WWOX: variants seen among roughly 807,000 people sequenced by gnomAD.
WWOX encodes WW domain-containing oxidoreductase.
In WWOX, 69 loss-of-function variants were observed where a neutral mutation model predicts 46.2. That is an observed-to-expected ratio of 1.49 (90% confidence interval 1.23 to 1.82). The LOEUF is 1.82. Among genes scored for constraint, WWOX ranks in the 40% most tolerant of loss-of-function variants. The pLI is 0.00. For missense variants in WWOX, 919 were observed against 542.6 expected (o/e 1.69, Z -6.89); for synonymous variants, 359 against 202.6 (o/e 1.77, Z -6.56).
At chr16:78,144,773 G>T (rs920399887) in intron 4 of WWOX, among the ~76,000 whole-genome samples, 2 of 151,408 alleles carry the variant, frequency 1.3e-5, no homozygotes, top group Non-Finnish European at 2.9e-5. Flanking sequence ...CGCCCACCTT[G>T]GCCTACCAAA....
chr16:78,844,583 A>T (rs929725288), intron 8 of WWOX, among the ~76,000 whole-genome samples: 6 of 152,208 alleles, frequency 3.9e-5, no homozygotes, highest in Non-Finnish European at 7.3e-5. Context: ...GCAACAGCAC[A>T]TGTGGAGGGA....
chr16:78,466,869 T>G (rs1038455811), intron 8 of WWOX, among the ~76,000 whole-genome samples: 1 of 151,500 alleles, frequency 6.6e-6, no homozygotes, highest in Non-Finnish European at 1.5e-5. Context: ...CACAAAAAAT[T>G]TTTTTCTTCC....
At chr16:78,395,523 G>A (rs1316257879) in intron 6 of WWOX, among the ~76,000 whole-genome samples, 2 of 151,886 alleles carry the variant, frequency 1.3e-5, no homozygotes, top group Admixed American at 6.6e-5. Flanking sequence ...TAAAGAAAAG[G>A]AAAAAGAGAG....
intron 8 of WWOX, among the ~76,000 whole-genome samples, chr16:78,793,184 C>T (rs1408519159): frequency 1.3e-5 from 2 of 152,138 alleles, no homozygotes; most frequent in African/African-American, 2.4e-5. Context: ...GTGATCTTCA[C>T]ACCTCAGCCT....
intron 5 of WWOX, among the ~76,000 whole-genome samples, chr16:78,253,530 C>T (rs2038040813): frequency 6.6e-6 from 1 of 152,138 alleles, no homozygotes; most frequent in South Asian, 2.1e-4. Context: ...CACTGTGTTC[C>T]AGTATCTGCA....
chr16:78,246,976 T>C (rs1041314918), intron 5 of WWOX, among the ~76,000 whole-genome samples: 6 of 152,064 alleles, frequency 3.9e-5, no homozygotes, highest in Admixed American at 3.9e-4. Context: ...GTCTGTGCAG[T>C]TGGAATCTTG....
chr16:78,374,427 T>A (rs1048731978), intron 5 of WWOX, among the ~76,000 whole-genome samples: 8 of 152,096 alleles, frequency 5.3e-5, no homozygotes, highest in African/African-American at 1.9e-4. Flanking sequence ...TATAATTTAT[T>A]TGGTCCTGTA....
rs372022318 is a variant in WWOX at position 79,090,373 on chromosome 16, T to G, written c.1057-121235T>G. Among the ~76,000 whole-genome samples, 27 of 151,662 alleles carry G rather than the reference T, an allele frequency of 1.8e-4. No homozygotes were observed. In the South Asian group the frequency reaches 5.6e-3, roughly 32 times the overall value. ...CCATGCTCAGTATATAGTTATATAT[T>G]TCATTCATTCATCCGTTCATTCAGT... On this transcript the variant is annotated intron_variant, in intron 8 of 8. Transcript: ENST00000566780.
intron 5 of WWOX, among the ~76,000 whole-genome samples, chr16:78,173,559 A>G (rs1239500894): frequency 2.6e-5 from 4 of 151,740 alleles, no homozygotes; most frequent in Non-Finnish European, 5.9e-5. Context: ...GGGTCTCCCA[A>G]AGTGCTGGGA....
At chr16:78,913,021 C>CA (rs2045152566) in intron 8 of WWOX, among the ~76,000 whole-genome samples, 1 of 152,006 alleles carries the variant, frequency 6.6e-6, no homozygotes. Flanking sequence ...CGAGTTGTCT[C>CA]AGAGCACAAC....
intron 8 of WWOX, among the ~76,000 whole-genome samples, chr16:79,162,192 G>C (rs188353624): frequency 6.6e-6 from 1 of 152,250 alleles, no homozygotes; most frequent in African/African-American, 2.4e-5. Context: ...TTTTATATTT[G>C]CCTTTGGGTT....
intron 5 of WWOX, among the ~76,000 whole-genome samples, chr16:78,324,588 T>C (rs1160671309): frequency 1.3e-5 from 2 of 152,160 alleles, no homozygotes; most frequent in African/African-American, 4.8e-5. Flanking sequence ...TGTAATGGAA[T>C]ATTCCATTTT....
At chr16:78,829,086 A>AGGTG (rs369712623) in intron 8 of WWOX, among the ~76,000 whole-genome samples, 4 of 147,604 alleles carry the variant, frequency 2.7e-5, no homozygotes, top group Non-Finnish European at 5.9e-5. Flanking sequence ...TCCATCTGGA[A>AGGTG]GATGGATGGA....
At chr16:78,711,182 A>G (rs547340337) in intron 8 of WWOX, among the ~76,000 whole-genome samples, 2 of 152,286 alleles carry the variant, frequency 1.3e-5, no homozygotes, top group East Asian at 3.9e-4. Context: ...GCCTTTGTAT[A>G]ATAGGGAAGC....
chr16:78,972,357 G>C (rs11864474), intron 8 of WWOX, among the ~76,000 whole-genome samples: 3,350 of 152,126 alleles, frequency 0.022, 123 homozygotes, highest in African/African-American at 0.077. Flanking sequence ...GCCGTGAAGT[G>C]AGCGCCGTGT....
At chr16:78,750,035 C>G (rs779062744) in intron 8 of WWOX, among the ~76,000 whole-genome samples, 1 of 152,074 alleles carries the variant, frequency 6.6e-6, no homozygotes, top group Middle Eastern at 3.2e-3. Context: ...TAGACTCTAT[C>G]AGGGAAAAAT....
intron 5 of WWOX, among the ~76,000 whole-genome samples, chr16:78,379,100 T>C (rs527725923): frequency 1.3e-5 from 2 of 152,314 alleles, no homozygotes; most frequent in South Asian, 2.1e-4. Flanking sequence ...GGGAAAATTA[T>C]AGATGCTTCA....
At chr16:78,947,369 T>G (rs1200751668) in intron 8 of WWOX, among the ~76,000 whole-genome samples, 1 of 145,770 alleles carries the variant, frequency 6.9e-6, no homozygotes, top group Non-Finnish European at 1.5e-5. Flanking sequence ...TTGTTATTTT[T>G]CTCTTCCCCC....
intron 8 of WWOX, among the ~76,000 whole-genome samples, chr16:79,196,715 G>A (rs1345865766): frequency 6.6e-6 from 1 of 151,958 alleles, no homozygotes; most frequent in Non-Finnish European, 1.5e-5. Context: ...CCCCCAATGA[G>A]AGACTTTTTT....
Sources: allele counts gnomAD v4.1 joint callset (sites outside exome capture counted in the v4.1 genomes callset), GRCh38; gene constraint gnomAD v4.1.1; transcripts MANE v1.5; gene names NCBI Gene and HGNC (gene_info 2026-07-23, HGNC 2026-07-21).